CLIP1: variants seen among roughly 807,000 people sequenced by gnomAD.
CLIP1 encodes the protein CAP-Gly domain-containing linker protein 1.
CLIP1 carries 66 observed loss-of-function variants against 161.6 expected under a neutral mutation model. That is an observed-to-expected ratio of 0.41 (90% CI 0.33 to 0.50). CLIP1 has a LOEUF of 0.50. Among genes scored for constraint, CLIP1 ranks in the 20% least tolerant of loss-of-function variants. The probability of loss-of-function intolerance (pLI) is 0.27; values close to 1 mark genes in which losing one functional copy is unlikely to be tolerated. For missense variants in CLIP1, 1,376 were observed against 1,702.0 expected (o/e 0.81, Z 3.37); for synonymous variants, 598 against 626.2 (o/e 0.96, Z 0.67).
chr12:122,293,850 G>T (rs1161745576), intron 20 of CLIP1, among the ~76,000 whole-genome samples: 1 of 148,500 alleles, frequency 6.7e-6, no homozygotes, highest in Non-Finnish European at 1.5e-5. Flanking sequence ...TGTTGCCCAG[G>T]CTGGAGTGCA....
chr12:122,296,840 G>T (rs1486752402), intron 20 of CLIP1, among the ~76,000 whole-genome samples: 1 of 143,204 alleles, frequency 7.0e-6, no homozygotes, highest in African/African-American at 2.7e-5. Flanking sequence ...CGCTAGCCTG[G>T]GTGACAAAGT....
chr12:122,278,835 C>T lies in CLIP1; in HGVS notation c.3873G>A (p.Glu1291=). The T allele has an allele frequency of 6.2e-7, 1 of 1,609,594 alleles. No homozygotes were observed. The highest frequency in any genetic ancestry group is 1.7e-5 in the Admixed American group (1 of 59,208). Residue 1291 remains glutamate, a synonymous_variant, in exon 23 of 26, where the codon GAG becomes GAA. Transcript: ENST00000620786. ...GCCTCTTGTTTTCTTTGAGTTGAAG[C>T]TCCAAGTTCTTTACCTTGAGCTCGA... ...VKLELKVKNL[E]LQLKENKRQL... is the part of the protein sequence containing the mutation.
intron 20 of CLIP1, among the ~76,000 whole-genome samples, chr12:122,288,808 CTTTTTTTTTT>C (rs200069106): frequency 3.0e-4 from 34 of 114,448 alleles, no homozygotes; most frequent in East Asian, 6.8e-4. Context: ...CGAAGCACAT[CTTTTTTTTTT>C]TTTTTTTTTT....
intron 24 of CLIP1, chr12:122,274,415 C>T: frequency 3.0e-6 from 1 of 328,142 alleles, no homozygotes; most frequent in South Asian, 5.5e-5. Flanking sequence ...CCCCCTCACA[C>T]CTTTCAGATT....
chr12:122,415,034 G>A (rs1386063428), intron 1 of CLIP1, among the ~76,000 whole-genome samples: 5 of 151,820 alleles, frequency 3.3e-5, no homozygotes, highest in Admixed American at 6.6e-5. Flanking sequence ...CTCCAGCCTC[G>A]GCGACGGAGT....
rs1344130710 is a variant in CLIP1 at position 122,328,115 on chromosome 12, G to A, written c.3081C>T (p.Ala1027=). 3 of 1,614,070 alleles carry A rather than the reference G, an allele frequency of 1.9e-6. No homozygotes were observed. Among genetic ancestry groups the A allele is most frequent in the Admixed American group, 3.3e-5 (2 of 59,998 alleles). Residue 1027 remains alanine, a synonymous_variant, in exon 17 of 26, where the codon GCC becomes GCT. Transcript: ENST00000620786. ...TSHNQCQELK[A]RYERATSETK... is the part of the protein sequence containing the mutation. ...TCTCAGAAGTGGCTCTCTCATACCTGGCTTTCAGCTCCTGACACTGGTTGT... is the reference window on the plus strand; with the variant it reads ...TCTCAGAAGTGGCTCTCTCATACCTAGCTTTCAGCTCCTGACACTGGTTGT...
At position 122,341,221 on chromosome 12, in the gene CLIP1, T is replaced by C. The variant is rs147220332; in HGVS notation, c.1983A>G (p.Thr661=). ...TETAEFAELK[T]QIEKMRLDYQ... is the part of the protein sequence containing the mutation. ...AATCTAGTCTCATTTTCTCTATTTG[T>C]GTTTTTAGTTCAGCAAATTCTGCCG... is the stretch of plus-strand genomic sequence containing the variant. The change falls in exon 11 of 26, where the codon ACA becomes ACG. Residue 661 remains threonine, a synonymous_variant. Coordinates refer to ENST00000620786, the MANE Select transcript of CLIP1 (RefSeq NM_001247997.2). 4.3e-6 allele frequency: 7 copies of C among 1,614,076 alleles called. No homozygotes were observed. The highest frequency in any genetic ancestry group is 3.3e-4 in the Middle Eastern group (2 of 6,084).
chr12:122,329,705 A>G (rs957558116), intron 15 of CLIP1, among the ~76,000 whole-genome samples: 1 of 152,258 alleles, frequency 6.6e-6, no homozygotes, highest in South Asian at 2.1e-4. Context: ...AAATTTTAGC[A>G]GACTAGATTA....
chr12:122,320,160 T>G (rs1433813791), intron 17 of CLIP1, among the ~76,000 whole-genome samples: 2 of 149,818 alleles, frequency 1.3e-5, no homozygotes, highest in African/African-American at 4.9e-5. Flanking sequence ...TGTAGCTACT[T>G]GGGAGGTGGG....
intron 1 of CLIP1, among the ~76,000 whole-genome samples, 192 bp downstream of exon 1, chr12:122,422,327 GGC>G (rs1317862611): frequency 2.6e-4 from 40 of 151,902 alleles, no homozygotes; most frequent in African/African-American, 9.6e-4. Flanking sequence ...AGGGACCCCC[GGC>G]CTCCGGCGCC....
At chr12:122,299,050 G>A (rs1429895569) in intron 20 of CLIP1, among the ~76,000 whole-genome samples, 1 of 152,206 alleles carries the variant, frequency 6.6e-6, no homozygotes, top group Admixed American at 6.5e-5. Context: ...TTCACAGAGA[G>A]TGCACGTGTC....
At chr12:122,347,320 G>A in intron 10 of CLIP1, 55 bp downstream of exon 10, 1 of 1,283,632 alleles carries the variant, frequency 7.8e-7, no homozygotes, top group Non-Finnish European at 1.1e-6. Flanking sequence ...TGTCACCTGA[G>A]GTGTCCACCC....
intron 13 of CLIP1, 90 bp from the exon 14 acceptor site, chr12:122,334,200 T>G: frequency 1.3e-6 from 1 of 771,612 alleles, no homozygotes; most frequent in Admixed American, 2.2e-5. Flanking sequence ...TCAAATATTA[T>G]GCTCAAGAGA....
chr12:122,417,031 C>T (rs1209530198), intron 1 of CLIP1, among the ~76,000 whole-genome samples: 1 of 151,896 alleles, frequency 6.6e-6, no homozygotes, highest in African/African-American at 2.4e-5. Flanking sequence ...GGCGCAGTGG[C>T]TCATGCCTGT....
chr12:122,292,375 CT>C (rs1439107754), intron 20 of CLIP1, among the ~76,000 whole-genome samples: 1 of 152,208 alleles, frequency 6.6e-6, no homozygotes, highest in Non-Finnish European at 1.5e-5. Context: ...TATTATATCT[CT>C]ATTTATTTTG....
intron 11 of CLIP1, among the ~76,000 whole-genome samples, chr12:122,339,567 C>G (rs1449694294): frequency 6.6e-6 from 1 of 152,174 alleles, no homozygotes; most frequent in Non-Finnish European, 1.5e-5. Context: ...AACTGATCCG[C>G]CTGCCTCAGC....
chr12:122,407,748 CAAAAAA>C (rs35500806), intron 1 of CLIP1, among the ~76,000 whole-genome samples: 6 of 38,334 alleles, frequency 1.6e-4, no homozygotes, highest in African/African-American at 2.8e-4. Context: ...GACCCTGTCT[CAAAAAA>C]AAAAAAAAAA....
At chr12:122,407,748 CAAA>C (rs35500806) in intron 1 of CLIP1, among the ~76,000 whole-genome samples, 2 of 38,334 alleles carry the variant, frequency 5.2e-5, no homozygotes, top group African/African-American at 1.4e-4. Context: ...GACCCTGTCT[CAAA>C]AAAAAAAAAA....
intron 1 of CLIP1, among the ~76,000 whole-genome samples, chr12:122,417,186 AC>A: frequency 6.6e-6 from 1 of 152,028 alleles, no homozygotes; most frequent in Non-Finnish European, 1.5e-5. Flanking sequence ...AATCCCAGCT[AC>A]TTGGAGGCTG....
Sources: allele counts gnomAD v4.1 joint callset (sites outside exome capture counted in the v4.1 genomes callset), GRCh38; gene constraint gnomAD v4.1.1; transcripts MANE v1.5; gene names NCBI Gene and HGNC (gene_info 2026-07-23, HGNC 2026-07-21).